Variants in TENM3 observed in about 807,000 individuals in gnomAD.
TENM3 encodes the protein teneurin transmembrane protein 3, also known as teneurin-3.
Under a neutral mutation model 255.1 loss-of-function variants are expected in TENM3, and 63 were observed. The ratio of observed to expected loss-of-function variants is 0.25; its 90% confidence interval spans 0.20 to 0.30. The LOEUF is 0.30. Ranked by LOEUF, TENM3 falls within the 10% of genes least tolerant of loss-of-function variation. The probability of loss-of-function intolerance (pLI) is 1.00; values close to 1 mark genes in which losing one functional copy is unlikely to be tolerated. For missense variants in TENM3, 2,929 were observed against 3,461.1 expected, an observed-to-expected ratio of 0.85 and a Z score of 3.86; for synonymous variants, 1,306 against 1,322.3, an observed-to-expected ratio of 0.99 and a Z score of 0.27.
chr4:182,100,282 T>C, the TENM3 span, among the ~76,000 whole-genome samples: 1 of 151,660 alleles, frequency 6.6e-6, no homozygotes, highest in Non-Finnish European at 1.5e-5. Flanking sequence ...GACATCCATT[T>C]CTTCATGTCT....
At chr4:181,561,565 A>G in the TENM3 span, among the ~76,000 whole-genome samples, 1 of 152,212 alleles carries the variant, frequency 6.6e-6, no homozygotes, top group African/African-American at 2.4e-5. Context: ...TTATTACTTT[A>G]TAAATCACTG....
the TENM3 span, among the ~76,000 whole-genome samples, chr4:181,834,479 G>A: frequency 6.6e-6 from 1 of 152,226 alleles, no homozygotes; most frequent in Non-Finnish European, 1.5e-5. Flanking sequence ...CAGAATCACA[G>A]CAAGTGTGTG....
the TENM3 span, among the ~76,000 whole-genome samples, chr4:181,468,578 G>GC: frequency 3.3e-5 from 5 of 152,202 alleles, no homozygotes; most frequent in South Asian, 1.0e-3. Context: ...TTTTCAGTTC[G>GC]CTAGCTTCCT....
the TENM3 span, among the ~76,000 whole-genome samples, chr4:181,918,202 A>G: frequency 2.6e-5 from 4 of 152,166 alleles, no homozygotes; most frequent in Non-Finnish European, 4.4e-5. Context: ...ATAATTTTTC[A>G]TGGCTTTCTG....
chr4:182,610,610 G>C (rs955325061), intron 4 of TENM3, among the ~76,000 whole-genome samples: 2 of 152,084 alleles, frequency 1.3e-5, no homozygotes, highest in African/African-American at 4.8e-5. Flanking sequence ...TTGAGCTCAG[G>C]AGCTCCAGGC....
At chr4:182,372,583 A>G (rs1249847349) in intron 3 of TENM3, among the ~76,000 whole-genome samples, 2 of 152,200 alleles carry the variant, frequency 1.3e-5, no homozygotes, top group South Asian at 2.1e-4. Flanking sequence ...TTATAAGAGT[A>G]ATGATAAATA....
chr4:181,603,113 C>T, the TENM3 span, among the ~76,000 whole-genome samples: 8 of 152,166 alleles, frequency 5.3e-5, no homozygotes, highest in African/African-American at 9.7e-5. Flanking sequence ...CAACATGCAA[C>T]TCCTAGGAAA....
the TENM3 span, among the ~76,000 whole-genome samples, chr4:181,865,951 A>G: frequency 2.9e-3 from 440 of 152,244 alleles, 1 homozygote; most frequent in Admixed American, 7.5e-3. Context: ...CTCTTTATAA[A>G]CCTGTACAGA....
intron 3 of TENM3, among the ~76,000 whole-genome samples, chr4:182,578,308 C>A (rs1209504489): frequency 1.3e-5 from 2 of 152,174 alleles, no homozygotes; most frequent in African/African-American, 4.8e-5. Flanking sequence ...TCCAGCAGTT[C>A]TAATCGCCTA....
the TENM3 span, among the ~76,000 whole-genome samples, chr4:182,080,518 T>G: frequency 3.0e-4 from 45 of 152,352 alleles, no homozygotes; most frequent in African/African-American, 9.6e-4. Flanking sequence ...TATGTTTAGA[T>G]TAACAATATT....
At chr4:181,502,625 C>T in the TENM3 span, among the ~76,000 whole-genome samples, 52 of 152,278 alleles carry the variant, frequency 3.4e-4, no homozygotes, top group Middle Eastern at 3.4e-3. Flanking sequence ...AGAACTAGCA[C>T]GGTGTGGTTC....
At chr4:182,627,707 A>G (rs929497304) in intron 4 of TENM3, among the ~76,000 whole-genome samples, 1 of 151,664 alleles carries the variant, frequency 6.6e-6, no homozygotes, top group Non-Finnish European at 1.5e-5. Flanking sequence ...AAAGTAAACC[A>G]TGAAACAAAT....
chr4:182,466,387 A>G lies in TENM3; in HGVS notation c.511+119458A>G, dbSNP rs115546239. 7.7e-3 allele frequency among the ~76,000 whole-genome samples: 1,172 copies of G among 151,776 alleles called. 7 individuals carry two copies. The highest frequency in any genetic ancestry group is 0.026 in the African/African-American group (1,094 of 41,344). On this transcript the variant is annotated intron_variant, in intron 3 of 27. Coordinates refer to ENST00000511685, the MANE Select transcript of TENM3 (RefSeq NM_001080477.4). ...CTTGTACCTGCATCATTTTACCTCCATTTTCATGTGGACTTCTTTCTTCTG... is the reference window on the plus strand; with the variant it reads ...CTTGTACCTGCATCATTTTACCTCCGTTTTCATGTGGACTTCTTTCTTCTG...
At chr4:181,638,784 A>G in the TENM3 span, among the ~76,000 whole-genome samples, 1 of 152,222 alleles carries the variant, frequency 6.6e-6, no homozygotes, top group African/African-American at 2.4e-5. Flanking sequence ...GCAAATATAT[A>G]TATTCCAGAG....
At chr4:182,604,099 T>C (rs1261381003) in intron 4 of TENM3, among the ~76,000 whole-genome samples, 1 of 152,190 alleles carries the variant, frequency 6.6e-6, no homozygotes, top group Non-Finnish European at 1.5e-5. Flanking sequence ...AAAGCATTCT[T>C]TTTCACCAGG....
the TENM3 span, among the ~76,000 whole-genome samples, chr4:181,563,500 C>T: frequency 6.6e-6 from 1 of 152,176 alleles, no homozygotes; most frequent in Admixed American, 6.5e-5. Context: ...TGCTATTGAA[C>T]ATCAGCAAAT....
intron 4 of TENM3, among the ~76,000 whole-genome samples, chr4:182,626,802 T>A (rs1398133455): frequency 6.6e-6 from 1 of 152,204 alleles, no homozygotes; most frequent in Non-Finnish European, 1.5e-5. Flanking sequence ...AACTCATCAT[T>A]TGCATCTGTT....
upstream of TENM3, among the ~76,000 whole-genome samples, chr4:182,239,031 T>TTGTGTGTG (rs199507110): frequency 2.5e-4 from 28 of 110,456 alleles, 1 homozygote; most frequent in Middle Eastern, 8.3e-3. Context: ...TTAAAAATCT[T>TTGTGTGTG]TATGTGTGTG....
chr4:182,716,530 G>C (rs906900368), intron 13 of TENM3, among the ~76,000 whole-genome samples: 12 of 152,088 alleles, frequency 7.9e-5, no homozygotes, highest in African/African-American at 2.9e-4. Context: ...TAATTTTGCT[G>C]ATCTTTTAAG....
Sources: gnomAD v4.1 joint callset for allele counts (sites outside exome capture counted in the v4.1 genomes callset) on GRCh38, gnomAD v4.1.1 for gene constraint, MANE v1.5 for transcripts, NCBI Gene and HGNC (gene_info 2026-07-23, HGNC 2026-07-21) for gene names.